The following MED13 variants were observed in gnomAD, a reference collection of about 807,000 sequenced individuals.
MED13 encodes mediator of RNA polymerase II transcription subunit 13.
A neutral mutation model predicts 225.2 loss-of-function variants in MED13; 23 were observed. The ratio of observed to expected loss-of-function variants is 0.10; its 90% CI spans 0.07 to 0.14. The LOEUF is 0.14. Ranked by LOEUF, MED13 falls within the 10% of genes least tolerant of loss-of-function variation. MED13 has a pLI of 1.00. For synonymous variants in MED13, 942 were observed against 889.2 expected (o/e 1.06, Z -1.06); for missense variants, 2,197 against 2,594.5 (o/e 0.85, Z 3.33).
At chr17:62,041,408 CATAAAATT>C (rs1341162556) in intron 3 of MED13, among the ~76,000 whole-genome samples, 1 of 152,240 alleles carries the variant, frequency 6.6e-6, no homozygotes, top group Non-Finnish European at 1.5e-5. Flanking sequence ...AGCTGCCACT[CATAAAATT>C]TTATGAGTAC....
At chr17:61,998,732 TG>T in intron 9 of MED13, among the ~76,000 whole-genome samples, 1 of 151,522 alleles carries the variant, frequency 6.6e-6, no homozygotes, top group East Asian at 1.9e-4. Flanking sequence ...CCTGAGTAGC[TG>T]GGACTACAGG....
rs548438473 is a variant in MED13, at chr17:61,968,120, A to G, written c.4106T>C (p.Ile1369Thr). The G allele has an allele frequency of 3.7e-6, 6 of 1,614,068 alleles. No homozygotes were observed. Among genetic ancestry groups the G allele is most frequent in the East Asian group, 4.5e-5 (2 of 44,848 alleles). ...MLEPYGSQRD[I>T]AYVVLCPENE... ...TTCTGGACACAGTACAACATAGGCT[A>G]TATCTCTTTGAGATCCATAGGGTTC... Residue 1369 changes from isoleucine to threonine, a missense_variant, in exon 18 of 30, where the codon ATA (isoleucine) becomes ACA (threonine). By Grantham distance (89) the Ile-to-Thr change is moderately conservative. Coordinates refer to ENST00000397786, the MANE Select transcript of MED13 (RefSeq NM_005121.3).
intron 2 of MED13, among the ~76,000 whole-genome samples, chr17:62,060,795 G>C (rs752634631): frequency 1.4e-4 from 21 of 151,818 alleles, no homozygotes; most frequent in Non-Finnish European, 2.8e-4. Flanking sequence ...CGCCTCCTGG[G>C]ATCAAGCAAT....
chr17:62,037,255 A>C (rs1222219044), intron 3 of MED13, among the ~76,000 whole-genome samples: 1 of 152,052 alleles, frequency 6.6e-6, no homozygotes, highest in Non-Finnish European at 1.5e-5. Context: ...TGTCTCAAAA[A>C]ACATATAAGT....
intron 27 of MED13, among the ~76,000 whole-genome samples, chr17:61,952,616 C>G (rs12941827): frequency 0.16 from 23,779 of 152,144 alleles, 1,997 homozygotes; most frequent in Middle Eastern, 0.32. Context: ...GTTAATTAAT[C>G]TCAACTCTTG....
rs886369603 is a variant in MED13, at chr17:62,031,777, T to C, written c.815-139A>G. ...ACATTTTTATAAATATAAGCTTCTT[T>C]GGCATAAGTTTTTCTTTTCTTTTTT... On this transcript the variant is annotated intron_variant, in intron 5 of 29. Transcript: ENST00000397786. The C allele has an allele frequency of 7.5e-5, 36 of 478,380 alleles. No homozygotes were observed. In the Admixed American group the frequency reaches 1.1e-3, roughly 15 times the overall value. 29.6% of individuals were successfully genotyped at this position (478,380 alleles called of 1,614,324 possible). A position where few individuals can be genotyped will look rare whatever the true frequency, so the allele number is the denominator to read the frequency against.
At chr17:62,040,688 T>TA (rs2080845514) in intron 3 of MED13, among the ~76,000 whole-genome samples, 1 of 152,142 alleles carries the variant, frequency 6.6e-6, no homozygotes, top group Non-Finnish European at 1.5e-5. Context: ...CTTCAAACTC[T>TA]AAACACCCTA....
intron 9 of MED13, among the ~76,000 whole-genome samples, chr17:61,997,475 G>A (rs1209671887): frequency 6.6e-6 from 1 of 152,014 alleles, no homozygotes; most frequent in Non-Finnish European, 1.5e-5. Context: ...ACGGTTAGCT[G>A]AATTGTCTAC....
At chr17:61,949,282 G>A (rs2079877008) in intron 28 of MED13, among the ~76,000 whole-genome samples, 1 of 152,280 alleles carries the variant, frequency 6.6e-6, no homozygotes, top group South Asian at 2.1e-4. Flanking sequence ...CTGGAGTGCA[G>A]TGGCATGATC....
At chr17:62,028,099 G>C (rs116634002) in intron 8 of MED13, among the ~76,000 whole-genome samples, 85 of 152,162 alleles carry the variant, frequency 5.6e-4, no homozygotes, top group African/African-American at 2.0e-3. Context: ...ACACATATAC[G>C]CAAATGTCCA....
Position 62,052,711 on chromosome 17 carries a change from A to C in MED13, c.302-6T>G. 1 of 1,551,454 alleles carries C rather than the reference A, an allele frequency of 6.4e-7. No homozygotes were observed. Among genetic ancestry groups the C allele is most frequent in the Non-Finnish European group, 8.7e-7 (1 of 1,146,638 alleles). On this transcript the variant is annotated splice_region_variant and splice_polypyrimidine_tract_variant and intron_variant, in intron 2 of 29. Transcript: ENST00000397786. ...CCACACTCCATCTTCTTCTTCTAAA[A>C]GAGAAATGAAGGAAATAATAAAATA...
At chr17:62,021,815 C>T (rs2080650778) in intron 8 of MED13, among the ~76,000 whole-genome samples, 1 of 152,154 alleles carries the variant, frequency 6.6e-6, no homozygotes, top group Admixed American at 6.5e-5. Context: ...CTCTTTATCA[C>T]ATCACCCACC....
chr17:62,046,604 C>T (rs2080899791), intron 3 of MED13, among the ~76,000 whole-genome samples: 1 of 152,112 alleles, frequency 6.6e-6, no homozygotes, highest in Admixed American at 6.6e-5. Flanking sequence ...CTTTGCGAGG[C>T]CAAAGATGGT....
chr17:62,025,246 T>C (rs1034293952), intron 8 of MED13, among the ~76,000 whole-genome samples: 2 of 152,224 alleles, frequency 1.3e-5, no homozygotes, highest in Non-Finnish European at 2.9e-5. Context: ...ACAGACAATA[T>C]GTAAATAAAT....
chr17:61,949,661 C>G (rs1452146646), intron 28 of MED13, among the ~76,000 whole-genome samples: 1 of 152,020 alleles, frequency 6.6e-6, no homozygotes, highest in African/African-American at 2.4e-5. Flanking sequence ...AACTAAAAAT[C>G]AAGTATTACA....
At chr17:61,991,114 TTTTA>T (rs998999318) in intron 11 of MED13, among the ~76,000 whole-genome samples, 9 of 152,138 alleles carry the variant, frequency 5.9e-5, no homozygotes, top group South Asian at 2.1e-4. Context: ...ATTTTTCAAT[TTTTA>T]TTTATTTATT....
At chr17:62,003,041 T>A (rs370503941) in intron 9 of MED13, among the ~76,000 whole-genome samples, 1 of 152,146 alleles carries the variant, frequency 6.6e-6, no homozygotes. Flanking sequence ...TCTCTACACA[T>A]TGGCAAATGT....
chr17:62,015,948 ATATATATTTTTTTTTTTT>A (rs1380887576), intron 8 of MED13, among the ~76,000 whole-genome samples: 3 of 14,632 alleles, frequency 2.1e-4, no homozygotes, highest in African/African-American at 5.1e-4. Flanking sequence ...ATATATATAT[ATATATATTTTTTTTTTTT>A]TTTTTTTTTT....
chr17:61,995,514 T>A, intron 9 of MED13, 149 bp from the exon 10 acceptor site: 1 of 582,454 alleles, frequency 1.7e-6, no homozygotes, highest in Non-Finnish European at 2.8e-6. Context: ...ATGAAAATAT[T>A]AAATAATTTA....
Sources: allele counts gnomAD v4.1 joint callset (sites outside exome capture counted in the v4.1 genomes callset), GRCh38; gene constraint gnomAD v4.1.1; transcripts MANE v1.5; gene names NCBI Gene and HGNC (gene_info 2026-07-23, HGNC 2026-07-21).